MTHFD2L: variants seen among roughly 807,000 people sequenced by gnomAD.
The protein encoded by MTHFD2L is bifunctional methylenetetrahydrofolate dehydrogenase/cyclohydrolase 2, mitochondrial.
A neutral mutation model predicts 34.9 loss-of-function variants in MTHFD2L; 29 were observed. The observed-to-expected ratio is 0.83, with a 90% confidence interval of 0.62 to 1.13. The LOEUF (loss-of-function observed/expected upper bound fraction) is 1.13. Ranked by LOEUF, MTHFD2L falls within the 50% of genes most tolerant of loss-of-function variation. The pLI is 0.00. For synonymous variants in MTHFD2L, 167 were observed against 155.7 expected (o/e 1.07, Z -0.54); for missense variants, 481 against 446.5 (o/e 1.08, Z -0.70).
chr4:74,251,020 A>G (rs28710869), intron 6 of MTHFD2L, among the ~76,000 whole-genome samples: 4,366 of 152,158 alleles, frequency 0.029, 164 homozygotes, highest in African/African-American at 0.083. Flanking sequence ...TGTATTTTTT[A>G]TTTATGGCTT....
chr4:74,246,595 G>C (rs557111096), intron 6 of MTHFD2L, among the ~76,000 whole-genome samples: 2 of 152,042 alleles, frequency 1.3e-5, no homozygotes, highest in Admixed American at 1.3e-4. Context: ...TTTCTTCTAG[G>C]GTTTTTACAG....
chr4:74,293,895 A>G (rs1293460036), intron 7 of MTHFD2L, among the ~76,000 whole-genome samples: 1 of 152,204 alleles, frequency 6.6e-6, no homozygotes, highest in Non-Finnish European at 1.5e-5. Flanking sequence ...AAATACTTCA[A>G]GCATTTAATT....
chr4:74,165,364 G>C (rs1578309601), intron 1 of MTHFD2L, among the ~76,000 whole-genome samples: 1 of 150,804 alleles, frequency 6.6e-6, no homozygotes, highest in Admixed American at 6.8e-5. Flanking sequence ...CTTATGCTTT[G>C]TTTATTTTTT....
At chr4:74,166,331 C>A (rs1365374698) in intron 1 of MTHFD2L, among the ~76,000 whole-genome samples, 1 of 152,176 alleles carries the variant, frequency 6.6e-6, no homozygotes. Flanking sequence ...CAGTCTTTGC[C>A]TCTGTTGTTA....
chr4:74,180,857 C>G (rs1730017007), intron 3 of MTHFD2L: 1 of 210,982 alleles, frequency 4.7e-6, no homozygotes, highest in South Asian at 5.8e-5. Flanking sequence ...TAAGTGGTCA[C>G]TTTGTCGAGG....
intron 6 of MTHFD2L, among the ~76,000 whole-genome samples, chr4:74,248,226 G>T (rs1742776467): frequency 6.6e-6 from 1 of 152,114 alleles, no homozygotes. Flanking sequence ...TATGTGTCAA[G>T]GAATTTATGC....
intron 6 of MTHFD2L, among the ~76,000 whole-genome samples, chr4:74,245,062 G>A (rs1310270600): frequency 2.6e-5 from 4 of 151,772 alleles, no homozygotes; most frequent in Non-Finnish European, 5.9e-5. Context: ...AGGCGTCGTG[G>A]CAGGCGCCTG....
intron 1 of MTHFD2L, among the ~76,000 whole-genome samples, chr4:74,163,839 ATCAT>A (rs1725999953): frequency 6.6e-6 from 1 of 152,008 alleles, no homozygotes; most frequent in Non-Finnish European, 1.5e-5. Flanking sequence ...GGAATTGTTA[ATCAT>A]TCTATTAGGA....
intron 2 of MTHFD2L, among the ~76,000 whole-genome samples, chr4:74,116,380 G>T (rs1180791517): frequency 6.6e-6 from 1 of 152,028 alleles, no homozygotes; most frequent in Non-Finnish European, 1.5e-5. Context: ...TCAAAAACAT[G>T]ACTAGCTACT....
chr4:74,221,248 T>G (rs1738131468), intron 5 of MTHFD2L, among the ~76,000 whole-genome samples: 1 of 151,620 alleles, frequency 6.6e-6, no homozygotes, highest in Non-Finnish European at 1.5e-5. Context: ...TTATACCATT[T>G]GCACATGAGA....
intron 6 of MTHFD2L, among the ~76,000 whole-genome samples, chr4:74,238,576 T>G (rs770322125): frequency 5.1e-4 from 77 of 151,994 alleles, no homozygotes; most frequent in Non-Finnish European, 9.6e-4. Context: ...GGGAGAAAAT[T>G]TTTGCAATCT....
intron 1 of MTHFD2L, among the ~76,000 whole-genome samples, chr4:74,135,536 C>T (rs192548353): frequency 7.2e-4 from 110 of 152,148 alleles, no homozygotes; most frequent in African/African-American, 2.5e-3. Flanking sequence ...GAAAAGCTCA[C>T]GGCCTGATAA....
chr4:74,257,336 G>A (rs111466157), intron 6 of MTHFD2L, among the ~76,000 whole-genome samples: 3 of 151,920 alleles, frequency 2.0e-5, no homozygotes, highest in Non-Finnish European at 4.4e-5. Flanking sequence ...GACATAAGGC[G>A]GATGAAAAAA....
intron 1 of MTHFD2L, among the ~76,000 whole-genome samples, chr4:74,171,952 A>G (rs1728099213): frequency 6.6e-6 from 1 of 152,140 alleles, no homozygotes; most frequent in Non-Finnish European, 1.5e-5. Context: ...AAATATTGGT[A>G]TATCCATACA....
intron 6 of MTHFD2L, among the ~76,000 whole-genome samples, chr4:74,247,613 G>A (rs539858951): frequency 1.3e-5 from 2 of 152,212 alleles, no homozygotes; most frequent in South Asian, 2.1e-4. Flanking sequence ...ATTGGCTGTG[G>A]GTTTGTCATA....
chr4:74,180,670 G>A (rs1729966719), intron 3 of MTHFD2L: 2 of 451,642 alleles, frequency 4.4e-6, no homozygotes, highest in Non-Finnish European at 9.0e-6. Flanking sequence ...CACAAGCTAA[G>A]CCTTGTTTAT....
chr4:74,134,524 CAGAT>C (rs1047021072), intron 1 of MTHFD2L, among the ~76,000 whole-genome samples: 18 of 152,116 alleles, frequency 1.2e-4, no homozygotes, highest in African/African-American at 4.3e-4. Context: ...CCAAACTAGA[CAGAT>C]AAAGCTGGAC....
At chr4:74,225,208 T>C (rs1738948050) in intron 5 of MTHFD2L, 94 bp from the exon 6 acceptor site, 1 of 967,326 alleles carries the variant, frequency 1.0e-6, no homozygotes, top group Non-Finnish European at 1.6e-6. Flanking sequence ...GCCTTTCTAT[T>C]CTTAGGAAAT....
intron 1 of MTHFD2L, among the ~76,000 whole-genome samples, chr4:74,147,115 T>C (rs1315126091): frequency 6.6e-6 from 1 of 152,198 alleles, no homozygotes; most frequent in African/African-American, 2.4e-5. Context: ...TGTACATCTA[T>C]GTATTTGCAT....
Sources: allele counts gnomAD v4.1 joint callset (sites outside exome capture counted in the v4.1 genomes callset), GRCh38; gene constraint gnomAD v4.1.1; transcripts MANE v1.5; gene names NCBI Gene and HGNC (gene_info 2026-07-23, HGNC 2026-07-21).